Variants in ASTN2 observed in about 807,000 individuals in gnomAD.
The protein encoded by ASTN2 is astrotactin 2.
Under a neutral mutation model 139.8 loss-of-function variants are expected in ASTN2, and 54 were observed. That is an observed-to-expected ratio of 0.39 (90% CI 0.31 to 0.48). The LOEUF is 0.48. Among genes scored for constraint, ASTN2 ranks in the 20% least tolerant of loss-of-function variants. ASTN2 has a pLI of 0.95. For synonymous variants in ASTN2, 756 were observed against 719.5 expected, an observed-to-expected ratio of 1.05 and a Z score of -0.81; for missense variants, 1,565 against 1,725.1, an observed-to-expected ratio of 0.91 and a Z score of 1.64.
At chr9:117,265,405 T>C (rs1833918275) in intron 2 of ASTN2, among the ~76,000 whole-genome samples, 2 of 152,060 alleles carry the variant, frequency 1.3e-5, no homozygotes, top group Admixed American at 6.6e-5. Context: ...TGCTTGAAGG[T>C]CCAGTGATTC....
At chr9:116,606,716 A>G (rs1855227136) in intron 19 of ASTN2, among the ~76,000 whole-genome samples, 1 of 152,110 alleles carries the variant, frequency 6.6e-6, no homozygotes, top group Non-Finnish European at 1.5e-5. Flanking sequence ...TGGAAATAGG[A>G]AACAACAAGA....
chr9:117,189,629 A>G (rs1468387503), intron 3 of ASTN2, among the ~76,000 whole-genome samples: 2 of 152,216 alleles, frequency 1.3e-5, no homozygotes, highest in African/African-American at 4.8e-5. Flanking sequence ...GAATACTGCA[A>G]AACAAGTAAT....
chr9:116,632,252 G>GGAAAGA (rs1856835652), intron 17 of ASTN2, among the ~76,000 whole-genome samples: 1 of 70,916 alleles, frequency 1.4e-5, no homozygotes, highest in Non-Finnish European at 2.5e-5. Flanking sequence ...AAAGAAAGAA[G>GGAAAGA]GAAAGAAAGA....
chr9:116,972,306 G>C (rs891787638), intron 10 of ASTN2, among the ~76,000 whole-genome samples: 3 of 151,916 alleles, frequency 2.0e-5, no homozygotes, highest in African/African-American at 7.3e-5. Flanking sequence ...TGCTATGTAT[G>C]GTTACTGTGT....
At chr9:116,546,293 C>A (rs892751088) in intron 19 of ASTN2, among the ~76,000 whole-genome samples, 4 of 152,118 alleles carry the variant, frequency 2.6e-5, no homozygotes, top group African/African-American at 9.7e-5. Context: ...ATGGTTTTCA[C>A]AGCATTTACA....
intron 19 of ASTN2, among the ~76,000 whole-genome samples, chr9:116,500,571 A>T (rs1009376530): frequency 2.6e-4 from 39 of 152,342 alleles, no homozygotes; most frequent in African/African-American, 9.1e-4. Flanking sequence ...ATTCACTAAC[A>T]TGCTGATATC....
chr9:116,429,095 T>C (rs898481423), intron 22 of ASTN2, among the ~76,000 whole-genome samples: 5 of 151,890 alleles, frequency 3.3e-5, no homozygotes, highest in South Asian at 2.1e-4. Flanking sequence ...TCCCAGAACT[T>C]TGGGAGGCTG....
chr9:116,925,929 C>A (rs1834744578), intron 10 of ASTN2, among the ~76,000 whole-genome samples: 1 of 151,810 alleles, frequency 6.6e-6, no homozygotes, highest in East Asian at 1.9e-4. Flanking sequence ...GATGCTCATA[C>A]ATTCAAAAAC....
intron 2 of ASTN2, among the ~76,000 whole-genome samples, chr9:117,254,023 G>A (rs1833613602): frequency 6.6e-6 from 1 of 152,152 alleles, no homozygotes; most frequent in Admixed American, 6.5e-5. Flanking sequence ...GGGAGAGCTT[G>A]GAACTCTGGA....
At chr9:117,281,265 C>T (rs1834317226) in intron 2 of ASTN2, among the ~76,000 whole-genome samples, 1 of 152,132 alleles carries the variant, frequency 6.6e-6, no homozygotes. Flanking sequence ...GCCTCATTTA[C>T]AGCTCAGGAG....
At chr9:116,632,252 G>GAAAGAAA (rs1856833378) in intron 17 of ASTN2, among the ~76,000 whole-genome samples, 1 of 70,914 alleles carries the variant, frequency 1.4e-5, no homozygotes, top group Non-Finnish European at 2.5e-5. Flanking sequence ...AAAGAAAGAA[G>GAAAGAAA]GAAAGAAAGA....
chr9:116,674,298 C>T (rs1037429624), intron 16 of ASTN2, among the ~76,000 whole-genome samples: 7 of 152,190 alleles, frequency 4.6e-5, no homozygotes, highest in African/African-American at 1.7e-4. Context: ...GAATAACGTA[C>T]TCAGACACTG....
chr9:117,010,794 C>T (rs1218980047), intron 6 of ASTN2, among the ~76,000 whole-genome samples: 1 of 152,180 alleles, frequency 6.6e-6, no homozygotes, highest in Non-Finnish European at 1.5e-5. Flanking sequence ...AATCCCTCAG[C>T]TGATCCCATG....
At chr9:116,990,865 T>A (rs1046190194) in intron 7 of ASTN2, among the ~76,000 whole-genome samples, 1 of 152,198 alleles carries the variant, frequency 6.6e-6, no homozygotes, top group African/African-American at 2.4e-5. Context: ...GGTTTCATTG[T>A]TAGGTTCACT....
chr9:116,648,137 G>T (rs144725629), intron 17 of ASTN2, among the ~76,000 whole-genome samples: 18 of 152,124 alleles, frequency 1.2e-4, no homozygotes, highest in African/African-American at 4.1e-4. Context: ...GAGTAGCTGG[G>T]ATTATAGGTG....
intron 5 of ASTN2, among the ~76,000 whole-genome samples, chr9:117,045,588 T>C (rs1838711814): frequency 6.6e-6 from 1 of 152,190 alleles, no homozygotes; most frequent in Non-Finnish European, 1.5e-5. Flanking sequence ...CTCAGTGTTG[T>C]TGATCCACAC....
At chr9:116,600,466 G>C (rs1264072797) in intron 19 of ASTN2, among the ~76,000 whole-genome samples, 1 of 152,100 alleles carries the variant, frequency 6.6e-6, no homozygotes, top group Non-Finnish European at 1.5e-5. Context: ...GAGAAATGTA[G>C]ATTAAATGGT....
intron 1 of ASTN2, among the ~76,000 whole-genome samples, chr9:117,296,734 A>T (rs780358014): frequency 1.3e-5 from 2 of 152,118 alleles, no homozygotes; most frequent in Non-Finnish European, 2.9e-5. Flanking sequence ...CAGTAGGCTG[A>T]CTCCAGTGCC....
intron 16 of ASTN2, among the ~76,000 whole-genome samples, chr9:116,657,530 A>G (rs1416409823): frequency 6.6e-6 from 1 of 152,230 alleles, no homozygotes; most frequent in East Asian, 1.9e-4. Flanking sequence ...TAGAAACCTC[A>G]GCCAGAACAA....
Sources: allele counts gnomAD v4.1 joint callset (sites outside exome capture counted in the v4.1 genomes callset), GRCh38; gene constraint gnomAD v4.1.1; transcripts MANE v1.5; gene names NCBI Gene and HGNC (gene_info 2026-07-23, HGNC 2026-07-21).